Variants in RBFOX1 observed in about 807,000 individuals in gnomAD.
The protein encoded by RBFOX1 is RNA binding protein fox-1 homolog 1.
A neutral mutation model predicts 57.7 loss-of-function variants in RBFOX1; 8 were observed. The ratio of observed to expected loss-of-function variants is 0.14; its 90% confidence interval spans 0.08 to 0.25. RBFOX1 has a LOEUF of 0.25. RBFOX1 is among the 10% of genes least tolerant of loss of function. RBFOX1 has a pLI of 1.00. For synonymous variants in RBFOX1, 326 were observed against 222.4 expected (o/e 1.47, Z -4.15); for missense variants, 611 against 548.5 (o/e 1.11, Z -1.14).
chr16:6,840,605 G>C (rs1567503486), intron 3 of RBFOX1, among the ~76,000 whole-genome samples: 1 of 152,002 alleles, frequency 6.6e-6, no homozygotes, highest in Non-Finnish European at 1.5e-5. Flanking sequence ...AAAAAGGCTT[G>C]AGTCTGGTCA....
At chr16:7,080,375 G>T (rs1370059295) in intron 4 of RBFOX1, among the ~76,000 whole-genome samples, 4 of 152,044 alleles carry the variant, frequency 2.6e-5, no homozygotes, top group Non-Finnish European at 5.9e-5. Context: ...CTAAATCCTA[G>T]CAACAAGTAA....
At chr16:7,596,814 A>C (rs1334424417) in intron 8 of RBFOX1, among the ~76,000 whole-genome samples, 1 of 152,178 alleles carries the variant, frequency 6.6e-6, no homozygotes, top group Non-Finnish European at 1.5e-5. Context: ...TGTGACGTTA[A>C]AGCTTGAATG....
intron 2 of RBFOX1, among the ~76,000 whole-genome samples, chr16:6,476,901 C>G (rs1314163335): frequency 7.2e-5 from 11 of 152,148 alleles, no homozygotes; most frequent in Admixed American, 6.5e-4. Flanking sequence ...TCTTTGTTGT[C>G]ATTGCAACAA....
intron 2 of RBFOX1, among the ~76,000 whole-genome samples, chr16:6,320,765 A>C (rs1349438213): frequency 1.4e-5 from 2 of 138,590 alleles, no homozygotes; most frequent in Non-Finnish European, 3.3e-5. Context: ...TCTTTCAAAA[A>C]CTGTTATTAA....
intron 4 of RBFOX1, among the ~76,000 whole-genome samples, chr16:7,440,789 C>T (rs995810896): frequency 5.3e-5 from 8 of 152,100 alleles, no homozygotes; most frequent in Middle Eastern, 3.2e-3. Context: ...TCATCCCTTC[C>T]TCTCTATTCC....
intron 1 of RBFOX1, among the ~76,000 whole-genome samples, chr16:6,225,011 C>G (rs1433299336): frequency 1.3e-5 from 1 of 75,000 alleles, no homozygotes. Flanking sequence ...AAGAGCAAAA[C>G]TCCATCTCAA....
chr16:6,656,409 G>A (rs2098652167), intron 3 of RBFOX1, among the ~76,000 whole-genome samples: 1 of 152,076 alleles, frequency 6.6e-6, no homozygotes, highest in African/African-American at 2.4e-5. Flanking sequence ...AAGCAGGCAG[G>A]GTAAGCTCTG....
chr16:7,608,710 T>A (rs1183151092), intron 10 of RBFOX1, among the ~76,000 whole-genome samples: 1 of 152,210 alleles, frequency 6.6e-6, no homozygotes, highest in African/African-American at 2.4e-5. Context: ...TCCTCATCTA[T>A]TAAATGGAGA....
chr16:6,495,744 A>G (rs879152115), intron 2 of RBFOX1, among the ~76,000 whole-genome samples: 1 of 152,132 alleles, frequency 6.6e-6, no homozygotes, highest in African/African-American at 2.4e-5. Context: ...ACAGCTCTCA[A>G]TAGCAGTATG....
At chr16:6,147,298 C>G (rs1404460916) in intron 1 of RBFOX1, among the ~76,000 whole-genome samples, 4 of 152,156 alleles carry the variant, frequency 2.6e-5, no homozygotes, top group African/African-American at 9.7e-5. Context: ...CCTTACCATT[C>G]TGTGCTCTCA....
rs147381701 is a variant in RBFOX1 at position 5,286,455 on chromosome 16, C to T, written c.219+46350C>T. On this transcript the variant is annotated intron_variant, in intron 1 of 2. Coordinates refer to the RBFOX1 transcript ENST00000585867. ...GCTCTGGAGGCAGGGGAGTCAGTCT[C>T]CAGGCCCCCAGATGGTACATTCAGG... 2.3e-3 allele frequency among the ~76,000 whole-genome samples: 344 copies of T among 152,276 alleles called. 5 individuals are homozygous for T. Among genetic ancestry groups the T allele is most frequent in the South Asian group, 0.013 (61 of 4,824 alleles).
chr16:7,187,168 C>CA (rs1257040625), intron 4 of RBFOX1, among the ~76,000 whole-genome samples: 32 of 151,344 alleles, frequency 2.1e-4, no homozygotes, highest in African/African-American at 7.5e-4. Flanking sequence ...TACTCTGTCT[C>CA]AAAAAATAAA....
chr16:6,670,987 G>A (rs536604582), intron 3 of RBFOX1, among the ~76,000 whole-genome samples: 11 of 152,144 alleles, frequency 7.2e-5, no homozygotes, highest in Non-Finnish European at 1.6e-4. Flanking sequence ...GTGACAGAGC[G>A]AGACTCCATC....
chr16:6,688,000 A>T (rs867055228), intron 3 of RBFOX1, among the ~76,000 whole-genome samples: 2 of 152,344 alleles, frequency 1.3e-5, no homozygotes, highest in South Asian at 4.1e-4. Context: ...AACATCTTCT[A>T]TGCCAAGCAC....
intron 3 of RBFOX1, among the ~76,000 whole-genome samples, chr16:6,945,120 C>G (rs1243513249): frequency 6.6e-6 from 1 of 152,050 alleles, no homozygotes; most frequent in Non-Finnish European, 1.5e-5. Context: ...TTGCTAGGGT[C>G]ACGCAGAGGT....
At chr16:5,901,469 A>T (rs1430360947) in intron 4 of RBFOX1, among the ~76,000 whole-genome samples, 1 of 152,132 alleles carries the variant, frequency 6.6e-6, no homozygotes, top group Admixed American at 6.6e-5. Flanking sequence ...ATTTGTTCCG[A>T]AGGTTTGCCT....
intron 2 of RBFOX1, among the ~76,000 whole-genome samples, chr16:6,631,710 G>A (rs773932056): frequency 2.6e-5 from 4 of 152,134 alleles, no homozygotes; most frequent in Admixed American, 6.5e-5. Flanking sequence ...AGCATTGCTG[G>A]CTGGGGGAAG....
At chr16:5,955,089 T>A (rs1270828330) in intron 4 of RBFOX1, among the ~76,000 whole-genome samples, 1 of 112,190 alleles carries the variant, frequency 8.9e-6, no homozygotes, top group African/African-American at 3.5e-5. Context: ...AAGACCAGCC[T>A]GGGCAACAGG....
At position 7,115,935 on chromosome 16, in the gene RBFOX1, G is replaced by T. The variant is rs114576618; in HGVS notation, c.27+63837G>T. Among the ~76,000 whole-genome samples the T allele has an allele frequency of 6.6e-3, 1,012 of 152,216 alleles. 13 individuals are homozygous for T. Among genetic ancestry groups the T allele is most frequent in the African/African-American group, 0.023 (960 of 41,532 alleles). ...TATAATAGGCAATGACACTTATTGG[G>T]GGCTTCATATTGTATCAGCTGTGTA... On this transcript the variant is annotated intron_variant, in intron 4 of 15. Transcript: ENST00000550418.
Sources: allele counts gnomAD v4.1 joint callset (sites outside exome capture counted in the v4.1 genomes callset), GRCh38; gene constraint gnomAD v4.1.1; transcripts MANE v1.5; gene names NCBI Gene and HGNC (gene_info 2026-07-23, HGNC 2026-07-21).